Variants in TMEM179 observed in about 807,000 individuals in gnomAD.
The protein encoded by TMEM179 is transmembrane protein 179A.
In TMEM179, 17 loss-of-function variants were observed where a neutral mutation model predicts 22.2. That is an observed-to-expected ratio of 0.77 (90% CI 0.52 to 1.15). TMEM179 has a LOEUF of 1.15. Ranked by LOEUF, TMEM179 falls within the 50% of genes most tolerant of loss-of-function variation. The pLI is 0.00. For missense variants in TMEM179, 265 were observed against 313.6 expected (o/e 0.84, Z 1.17); for synonymous variants, 127 against 140.5 (o/e 0.90, Z 0.68).
rs1886900556 is a variant in TMEM179, at chr14:104,593,247, C to T, written c.*232G>A. 2.7e-5 allele frequency: 16 copies of T among 598,346 alleles called. No homozygotes were observed. Among genetic ancestry groups the T allele is most frequent in the Non-Finnish European group, 4.4e-5 (15 of 341,242 alleles). 37.1% of individuals were successfully genotyped at this position (598,346 alleles called of 1,614,324 possible). On this transcript the variant is annotated 3_prime_UTR_variant, in exon 4 of 4. Coordinates refer to ENST00000556573, the MANE Select transcript of TMEM179 (RefSeq NM_001286389.2). ...GTGCCCCCCGCCCCCGCCCCACACC[C>T]ATAGTCTCTCTGCACCATCCTCATC...
Position 104,592,749 on chromosome 14 carries a change from G to A in TMEM179, c.*730C>T, listed in dbSNP as rs1455651660. 6.6e-6 allele frequency among the ~76,000 whole-genome samples: 1 copy of A among 152,126 alleles called. No individual in the cohort carries two copies. Among genetic ancestry groups the A allele is most frequent in the Non-Finnish European group, 1.5e-5 (1 of 68,026 alleles). On this transcript the variant is annotated 3_prime_UTR_variant, in exon 4 of 4. Coordinates refer to ENST00000556573, the MANE Select transcript of TMEM179 (RefSeq NM_001286389.2). ...TCACCCACACACAGACCCCTGCCAT[G>A]GCTCCTGGCCCAGTCCTCTATGTGG...
Position 104,593,582 on chromosome 14 carries a change from C to T in TMEM179, c.599G>A (p.Arg200His), listed in dbSNP as rs574901720. Reference protein sequence around the residue: ...LAFLKVYHNYRQEDLLDSLIH... With the variant: ...LAFLKVYHNYHQEDLLDSLIH... ...CAGGCTGTCCAGCAGGTCCTCCTGACGGTAGTTGTGGTAGACCTTCAGGAA... is the reference window on the plus strand; with the variant it reads ...CAGGCTGTCCAGCAGGTCCTCCTGATGGTAGTTGTGGTAGACCTTCAGGAA... Residue 200 changes from arginine (R) to histidine (H), a missense_variant, in exon 4 of 4, where the codon CGT becomes CAT. Physicochemically the swap from Arg to His is conservative, Grantham distance 29. Coordinates refer to ENST00000556573, the MANE Select transcript of TMEM179 (RefSeq NM_001286389.2). 51 of 1,526,854 alleles carry T rather than the reference C, an allele frequency of 3.3e-5. No homozygotes were observed. Among genetic ancestry groups the T allele is most frequent in the South Asian group, 3.1e-4 (26 of 82,928 alleles). The allele number at this position is 1,526,854 out of a possible 1,614,324, so 94.6% of individuals were successfully genotyped here. A position where few individuals can be genotyped will look rare whatever the true frequency, so the allele number is the denominator to read the frequency against.
At chr14:104,600,341 G>T (rs1182596107) in intron 1 of TMEM179, among the ~76,000 whole-genome samples, 1 of 152,234 alleles carries the variant, frequency 6.6e-6, no homozygotes, top group Non-Finnish European at 1.5e-5. Context: ...GCCAGGATGT[G>T]CCATCTCCAT....
chr14:104,594,442 G>T, intron 3 of TMEM179: 1 of 1,231,792 alleles, frequency 8.1e-7, no homozygotes, highest in Non-Finnish European at 1.0e-6. Flanking sequence ...CCAGGTGTCT[G>T]GTCTCAGCCA....
At position 104,593,385 on chromosome 14, in the gene TMEM179, C is replaced by G; in HGVS notation, c.*94G>C. On this transcript the variant is annotated 3_prime_UTR_variant, in exon 4 of 4. Transcript: ENST00000556573. ...CACGCAGGGCTGCATGTGGCCAGGG[C>G]CCAGGCAGAGCCCCCCAGCTGCTTC... The G allele has an allele frequency of 1.4e-6, 2 of 1,459,304 alleles. No individual in the cohort carries two copies. The highest frequency in any genetic ancestry group is 1.8e-6 in the Non-Finnish European group (2 of 1,087,266). The allele number at this position is 1,459,304 out of a possible 1,614,324, so 90.4% of individuals were successfully genotyped here. A position where few individuals can be genotyped will look rare whatever the true frequency, so the allele number is the denominator to read the frequency against.
At position 104,597,984 on chromosome 14, in the gene TMEM179, G is replaced by GC. The variant is rs554336687; in HGVS notation, c.306-858dup. On this transcript the variant is annotated intron_variant, in intron 1 of 3. Coordinates refer to ENST00000556573, the MANE Select transcript of TMEM179 (RefSeq NM_001286389.2). This position sits in a 1 kb window ranked among gnomAD's most constrained non-coding sequence, Gnocchi z 4.8. ...AGCTCACTTAGGGCTGGGCCACACTGCCCCAGGGGTCTGAGGCCTCTGCCA... is the reference window on the plus strand; with the variant it reads ...AGCTCACTTAGGGCTGGGCCACACTGCCCCCAGGGGTCTGAGGCCTCTGCCA... Among the ~76,000 whole-genome samples, 359 of 152,360 alleles carry GC rather than the reference G, an allele frequency of 2.4e-3. 3 individuals are homozygous for GC. The highest frequency in any genetic ancestry group is 3.2e-3 in the Non-Finnish European group (219 of 68,024).
In TMEM179 at chr14:104,593,229, C is replaced by T; in HGVS notation, c.*250G>A. The T allele has an allele frequency of 1.8e-6, 1 of 558,286 alleles. No individual in the cohort carries two copies. The highest frequency in any genetic ancestry group is 3.5e-5 in the Admixed American group (1 of 28,868). The allele number at this position is 558,286 out of a possible 1,614,324, so 34.6% of individuals were successfully genotyped here. A position where few individuals can be genotyped will look rare whatever the true frequency, so the allele number is the denominator to read the frequency against. ...CCTGTGCGAGGCCTGGAGGTGCCCCCCGCCCCCGCCCCACACCCATAGTCT... is the reference window on the plus strand; with the variant it reads ...CCTGTGCGAGGCCTGGAGGTGCCCCTCGCCCCCGCCCCACACCCATAGTCT... On this transcript the variant is annotated 3_prime_UTR_variant, in exon 4 of 4. Transcript: ENST00000556573.
In TMEM179 at chr14:104,601,176, G is replaced by A. The variant is rs546800838; in HGVS notation, c.305+3261C>T. On this transcript the variant is annotated intron_variant, in intron 1 of 3. Coordinates refer to ENST00000556573, the MANE Select transcript of TMEM179 (RefSeq NM_001286389.2). Reference sequence around the variant, plus strand: ...TTGAGTTGGAATTGGCTGCTCTGTCGCTGGACCCTGCAGACCCCATCTTCC... The same window carrying A: ...TTGAGTTGGAATTGGCTGCTCTGTCACTGGACCCTGCAGACCCCATCTTCC... Among the ~76,000 whole-genome samples the A allele has an allele frequency of 2.0e-5, 3 of 152,278 alleles. No individual in the cohort carries two copies. In the South Asian group the frequency reaches 6.2e-4, roughly 32 times the overall value.
chr14:104,600,081 C>G (rs566490711), intron 1 of TMEM179, among the ~76,000 whole-genome samples: 12 of 152,328 alleles, frequency 7.9e-5, no homozygotes, highest in African/African-American at 2.9e-4. Flanking sequence ...AGGCTGGGGC[C>G]GCTGCCAGCT....
intron 3 of TMEM179, chr14:104,593,977 G>T (rs866696421): frequency 2.7e-6 from 3 of 1,108,072 alleles, no homozygotes; most frequent in Non-Finnish European, 2.3e-6. Flanking sequence ...GGCCAGTGGC[G>T]AGTGCTTTCT....
chr14:104,602,856 C>T (rs777824444), intron 1 of TMEM179, among the ~76,000 whole-genome samples: 17 of 152,200 alleles, frequency 1.1e-4, no homozygotes, highest in Non-Finnish European at 2.2e-4. Flanking sequence ...TGGTGTCCCC[C>T]GAAAGATATG....
rs1223385988 is a variant in TMEM179 at position 104,604,679 on chromosome 14, G to A, written c.63C>T (p.Ser21=). The change falls in exon 1 of 4, where the codon AGC becomes AGT. Residue 21 remains serine, a synonymous_variant. Coordinates refer to ENST00000556573, the MANE Select transcript of TMEM179 (RefSeq NM_001286389.2). This position sits in a 1 kb window ranked among gnomAD's most constrained non-coding sequence, Gnocchi z 4.6. ...CGGACAGCGGGACCACCACCACGAA[G>A]CTGAACAGGAAGGCCAAGAAGTAGC... ...CACYFLAFLF[S]FVVVVPLSEN... The A allele has an allele frequency of 6.3e-7, 1 of 1,599,436 alleles. No homozygotes were observed. The highest frequency in any genetic ancestry group is 8.5e-7 in the Non-Finnish European group (1 of 1,174,290).
rs1438497671 is a variant in TMEM179 at position 104,604,362 on chromosome 14, G to A, written c.305+75C>T. On this transcript the variant is annotated intron_variant, in intron 1 of 3. Transcript: ENST00000556573. The surrounding 1 kb of genome is among the most constrained non-coding windows in gnomAD (Gnocchi z 4.6). ...GCCTGAGAGACGGAGGGACTCGCGCGCCTCCCCGGGGAGGTGGGTCTGGGG... is the reference window on the plus strand; with the variant it reads ...GCCTGAGAGACGGAGGGACTCGCGCACCTCCCCGGGGAGGTGGGTCTGGGG... 27 of 1,388,672 alleles carry A rather than the reference G, an allele frequency of 1.9e-5. No individual in the cohort carries two copies. Among genetic ancestry groups the A allele is most frequent in the Non-Finnish European group, 9.3e-7 (1 of 1,070,390 alleles). The allele number at this position is 1,388,672 out of a possible 1,614,324, so 86.0% of individuals were successfully genotyped here.
rs1386694169 is a variant in TMEM179 at position 104,597,042 on chromosome 14, C to T, written c.391G>A (p.Gly131Ser). 5.0e-6 allele frequency: 8 copies of T among 1,610,182 alleles called. No individual in the cohort carries two copies. The South Asian group carries it at 6.6e-5, about 13-fold the overall frequency. The change falls in exon 2 of 4, where the codon GGC (glycine) becomes AGC (serine). Residue 131 changes from glycine to serine, a missense_variant. Transcript: ENST00000556573. This position sits in a 1 kb window ranked among gnomAD's most constrained non-coding sequence, Gnocchi z 4.8. ...ATGGTGTCGCACCACATGGTGAAGC[C>T]CACGCTCACGATGGTGCTGGCAATG... ...VFIASTIVSV[G>S]FTMWCDTITE... is the part of the protein sequence containing the mutation.
intron 1 of TMEM179, among the ~76,000 whole-genome samples, chr14:104,603,410 T>G (rs562152641): frequency 6.6e-6 from 1 of 152,122 alleles, no homozygotes; most frequent in East Asian, 1.9e-4. Flanking sequence ...CTGGGTTTCA[T>G]GAGTGCTCTC....
rs957666242 is a variant in TMEM179 at position 104,604,174 on chromosome 14, C to A, written c.305+263G>T. On this transcript the variant is annotated intron_variant, in intron 1 of 3. Transcript: ENST00000556573. The surrounding 1 kb of genome is among the most constrained non-coding windows in gnomAD (Gnocchi z 4.6). ...GTGCAACATCTGCAACCCAAGGGAG[C>A]AGATGCCCGGAAGCGGGAGGTGATG... Among the ~76,000 whole-genome samples the A allele has an allele frequency of 6.6e-6, 1 of 152,212 alleles. No individual in the cohort carries two copies. Among genetic ancestry groups the A allele is most frequent in the Non-Finnish European group, 1.5e-5 (1 of 68,036 alleles).
rs2140483572 is a variant in TMEM179 at position 104,595,763 on chromosome 14, A to C, written c.444-520T>G. Among the ~76,000 whole-genome samples the C allele has an allele frequency of 6.6e-6, 1 of 152,312 alleles. No individual in the cohort carries two copies. Among genetic ancestry groups the C allele is most frequent in the East Asian group, 1.9e-4 (1 of 5,178 alleles). ...CCCAGAAGCTCTGCCCCCATCACGG[A>C]GGCATCTGTGGAAGCAGTGGGCATC... is the stretch of plus-strand genomic sequence containing the variant. On this transcript the variant is annotated intron_variant, in intron 2 of 3. Coordinates refer to ENST00000556573, the MANE Select transcript of TMEM179 (RefSeq NM_001286389.2). This position sits in a 1 kb window ranked among gnomAD's most constrained non-coding sequence, Gnocchi z 5.7.
rs1887083095 is a variant in TMEM179, at chr14:104,597,697, C to T, written c.306-570G>A. 6.6e-6 allele frequency among the ~76,000 whole-genome samples: 1 copy of T among 152,172 alleles called. No homozygotes were observed. Among genetic ancestry groups the T allele is most frequent in the Non-Finnish European group, 1.5e-5 (1 of 68,040 alleles). On this transcript the variant is annotated intron_variant, in intron 1 of 3. Coordinates refer to ENST00000556573, the MANE Select transcript of TMEM179 (RefSeq NM_001286389.2). This position sits in a 1 kb window ranked among gnomAD's most constrained non-coding sequence, Gnocchi z 4.8. ...AACGGGCCCTCAGCAGGCATCGAAC[C>T]TGGATCCCAGCCTGGATCGCAGACC...
intron 3 of TMEM179, 118 bp from the exon 4 acceptor site, chr14:104,593,776 G>A: frequency 1.7e-6 from 2 of 1,203,406 alleles, no homozygotes; most frequent in Non-Finnish European, 2.2e-6. Flanking sequence ...AGAGGAAGGA[G>A]GAGGCCGGGG....
Sources: allele counts gnomAD v4.1 joint callset (sites outside exome capture counted in the v4.1 genomes callset), GRCh38; gene constraint gnomAD v4.1.1; non-coding constraint Gnocchi (gnomAD v3.1); transcripts MANE v1.5; gene names NCBI Gene and HGNC (gene_info 2026-07-23, HGNC 2026-07-21).